Variants in FXYD6 observed in about 807,000 individuals in gnomAD.
FXYD6 encodes FXYD domain-containing ion transport regulator 6.
A neutral mutation model predicts 16.7 loss-of-function variants in FXYD6; 7 were observed. That is an observed-to-expected ratio of 0.42 (90% CI 0.24 to 0.79). The LOEUF (loss-of-function observed/expected upper bound fraction) is 0.79. Ranked by LOEUF, FXYD6 falls within the 30% of genes least tolerant of loss-of-function variation. The pLI, the probability that FXYD6 is intolerant of heterozygous loss-of-function variation, is 0.28. For synonymous variants in FXYD6, 49 were observed against 43.0 expected (o/e 1.14, Z -0.54); for missense variants, 111 against 116.2 (o/e 0.95, Z 0.21).
intron 2 of FXYD6, chr11:117,842,236 C>T (rs1051001746): frequency 3.1e-6 from 2 of 646,102 alleles, no homozygotes; most frequent in Non-Finnish European, 5.3e-6. Context: ...GTGAAGGCAT[C>T]GAAACTCAGT....
chr11:117,841,433 G>C, intron 4 of FXYD6: 1 of 594,378 alleles, frequency 1.7e-6, no homozygotes, highest in Non-Finnish European at 3.0e-6. Flanking sequence ...GATCTGTGCA[G>C]ATCAGGCTCA....
intron 1 of FXYD6, among the ~76,000 whole-genome samples, chr11:117,864,546 G>C (rs1340939544): frequency 2.6e-5 from 4 of 151,998 alleles, no homozygotes. Context: ...TTCTTGAATA[G>C]GACAACAAAG....
At chr11:117,853,806 G>C (rs2056662795) in intron 1 of FXYD6, among the ~76,000 whole-genome samples, 1 of 152,076 alleles carries the variant, frequency 6.6e-6, no homozygotes, top group Non-Finnish European at 1.5e-5. Context: ...TTATCTCATG[G>C]GGTTTTTGTT....
intron 1 of FXYD6, among the ~76,000 whole-genome samples, chr11:117,876,278 T>C (rs1329609367): frequency 6.6e-6 from 1 of 151,548 alleles, no homozygotes; most frequent in Non-Finnish European, 1.5e-5. Context: ...CCTTTCCCCT[T>C]CTCCTGAAAA....
intron 1 of FXYD6, among the ~76,000 whole-genome samples, chr11:117,846,528 T>C (rs935260546): frequency 6.6e-6 from 1 of 152,242 alleles, no homozygotes. Context: ...ATTTGACATC[T>C]GAAACTGATG....
At chr11:117,842,217 C>T in intron 2 of FXYD6, 189 bp from the exon 3 acceptor site, 1 of 758,402 alleles carries the variant, frequency 1.3e-6, no homozygotes, top group Non-Finnish European at 2.1e-6. Context: ...ACCCTAAGGG[C>T]CGAGGTCAGT....
chr11:117,854,888 A>G (rs1371599458), intron 1 of FXYD6, among the ~76,000 whole-genome samples: 1 of 152,244 alleles, frequency 6.6e-6, no homozygotes, highest in African/African-American at 2.4e-5. Flanking sequence ...CAAGTTCAAG[A>G]TCAGTTCAAG....
chr11:117,842,528 C>T (rs1200721111), intron 2 of FXYD6, among the ~76,000 whole-genome samples, 191 bp downstream of exon 2: 1 of 152,200 alleles, frequency 6.6e-6, no homozygotes. Context: ...GCAGGCTGTG[C>T]TGAGGTCTGT....
intron 1 of FXYD6, among the ~76,000 whole-genome samples, chr11:117,867,368 C>G (rs1158878032): frequency 6.6e-6 from 1 of 152,208 alleles, no homozygotes; most frequent in Non-Finnish European, 1.5e-5. Flanking sequence ...GCATCTGTGG[C>G]AAAGTCCTAG....
At chr11:117,857,567 C>A (rs1233408111) in intron 1 of FXYD6, among the ~76,000 whole-genome samples, 1 of 152,030 alleles carries the variant, frequency 6.6e-6, no homozygotes, top group Admixed American at 6.6e-5. Context: ...CGCCACCATG[C>A]CCAGCTAATT....
intron 5 of FXYD6, 125 bp from the exon 6 acceptor site, chr11:117,840,493 G>A (rs2056313376): frequency 9.3e-6 from 12 of 1,294,278 alleles, no homozygotes; most frequent in Non-Finnish European, 1.3e-5. Context: ...CTGAGGGGCT[G>A]GAGCTCACTC....
In FXYD6 at chr11:117,838,174, T is replaced by G. The variant is rs910046257; in HGVS notation, c.*125A>C. 1 of 701,836 alleles carries G rather than the reference T, an allele frequency of 1.4e-6. No individual in the cohort carries two copies. The highest frequency in any genetic ancestry group is 1.5e-5 in the South Asian group (1 of 67,560). The allele number at this position is 701,836 out of a possible 1,614,324, so 43.5% of individuals were successfully genotyped here. A position where few individuals can be genotyped will look rare whatever the true frequency, so the allele number is the denominator to read the frequency against. ...GGGGATAGGGTGGGGGACACACAAG[T>G]TCTTGGCTTCTCCTGGGGAAAGGGC... On this transcript the variant is annotated 3_prime_UTR_variant, in exon 8 of 8. Transcript: ENST00000526014.
At chr11:117,844,933 T>C (rs990225304) in intron 1 of FXYD6, among the ~76,000 whole-genome samples, 1 of 152,240 alleles carries the variant, frequency 6.6e-6, no homozygotes, top group Non-Finnish European at 1.5e-5. Flanking sequence ...AATATTGAAT[T>C]GCACACTTCA....
chr11:117,850,564 G>A lies in FXYD6; in HGVS notation c.-5-7783C>T, dbSNP rs141701734. Among the ~76,000 whole-genome samples, 928 of 152,338 alleles carry A rather than the reference G, an allele frequency of 6.1e-3. 9 individuals are homozygous for A. Among genetic ancestry groups the A allele is most frequent in the African/African-American group, 0.022 (898 of 41,582 alleles). On this transcript the variant is annotated intron_variant, in intron 1 of 7. Coordinates refer to ENST00000526014, the MANE Select transcript of FXYD6 (RefSeq NM_022003.4). ...TAATTTACTTATTGTGACTATTGATGTAGTTGGTCTGCTTTCTGCCATCTG... is the reference window on the plus strand; with the variant it reads ...TAATTTACTTATTGTGACTATTGATATAGTTGGTCTGCTTTCTGCCATCTG...
At chr11:117,844,487 T>C (rs1280748297) in intron 1 of FXYD6, among the ~76,000 whole-genome samples, 1 of 152,006 alleles carries the variant, frequency 6.6e-6, no homozygotes, top group Non-Finnish European at 1.5e-5. Flanking sequence ...TATATTTTTA[T>C]TTTTATTTAT....
At chr11:117,867,826 T>C (rs1277197451) in intron 1 of FXYD6, among the ~76,000 whole-genome samples, 1 of 150,814 alleles carries the variant, frequency 6.6e-6, no homozygotes, top group Non-Finnish European at 1.5e-5. Flanking sequence ...TAGGATCACA[T>C]GAAGAGCTTC....
At chr11:117,839,550 G>A in intron 7 of FXYD6, 2 of 517,002 alleles carry the variant, frequency 3.9e-6, no homozygotes, top group East Asian at 5.7e-5. Flanking sequence ...CTGTGTGGAA[G>A]CCCCATTTCC....
intron 1 of FXYD6, among the ~76,000 whole-genome samples, chr11:117,874,310 C>T (rs2057205232): frequency 6.6e-6 from 1 of 152,192 alleles, no homozygotes; most frequent in East Asian, 1.9e-4. Context: ...GAAGGAAACG[C>T]TTCCCCCAGG....
At position 117,838,102 on chromosome 11, in the gene FXYD6, G is replaced by A. The variant is rs1353976627; in HGVS notation, c.*197C>T. 1 of 692,856 alleles carries A rather than the reference G, an allele frequency of 1.4e-6. No individual in the cohort carries two copies. The highest frequency in any genetic ancestry group is 1.5e-5 in the South Asian group (1 of 66,974). The allele number at this position is 692,856 out of a possible 1,614,324, so 42.9% of individuals were successfully genotyped here. On this transcript the variant is annotated 3_prime_UTR_variant, in exon 8 of 8. Transcript: ENST00000526014. ...GTGGGCAGGACCGCAGGCTGCAGTG[G>A]GGAGGCAAGTGTTAGTTGCATCATC...
Sources: gnomAD v4.1 joint callset for allele counts (sites outside exome capture counted in the v4.1 genomes callset) on GRCh38, gnomAD v4.1.1 for gene constraint, MANE v1.5 for transcripts, NCBI Gene and HGNC (gene_info 2026-07-23, HGNC 2026-07-21) for gene names.